The following CLVS1 variants were observed in gnomAD, a reference collection of about 807,000 sequenced individuals.
The protein encoded by CLVS1 is clavesin 1.
Under a neutral mutation model 33.1 loss-of-function variants are expected in CLVS1, and 10 were observed. The ratio of observed to expected loss-of-function variants is 0.30; its 90% CI spans 0.19 to 0.51. The LOEUF is 0.51. CLVS1 is among the 20% of genes least tolerant of loss of function. The pLI is 0.97. For missense variants in CLVS1, 343 were observed against 433.4 expected (o/e 0.79, Z 1.85); for synonymous variants, 163 against 166.1 (o/e 0.98, Z 0.14).
In CLVS1 at chr8:61,410,735, G is replaced by A. The variant is rs1027432308; in HGVS notation, c.630+33956G>A. 5.9e-5 allele frequency among the ~76,000 whole-genome samples: 9 copies of A among 152,130 alleles called. No homozygotes were observed. In the South Asian group the frequency reaches 1.7e-3, roughly 28 times the overall value. ...TGGCTCACTGCAGCCTCCGCCTCCT[G>A]GGTTCAAGCAATTCTCCTGCCTCAG... On this transcript the variant is annotated intron_variant, in intron 3 of 5. Coordinates refer to ENST00000325897, the MANE Select transcript of CLVS1 (RefSeq NM_173519.3).
chr8:61,359,939 T>G (rs1342058739), intron 2 of CLVS1, among the ~76,000 whole-genome samples: 1 of 152,154 alleles, frequency 6.6e-6, no homozygotes, highest in African/African-American at 2.4e-5. Flanking sequence ...ATCCTGTATC[T>G]GGAGCTCTTT....
intron 2 of CLVS1, among the ~76,000 whole-genome samples, chr8:61,275,524 G>A (rs1036041821): frequency 7.9e-5 from 12 of 152,218 alleles, no homozygotes; most frequent in Admixed American, 2.6e-4. Context: ...AATTTAGGTC[G>A]TTAATATAAC....
At chr8:60,993,918 C>T in the CLVS1 span, among the ~76,000 whole-genome samples, 1 of 152,082 alleles carries the variant, frequency 6.6e-6, no homozygotes, top group African/African-American at 2.4e-5. Context: ...TTCTCTGGCC[C>T]CTTGTGATTT....
Position 61,232,022 on chromosome 8 carries a change from G to GTTTTTTTTTTTTTT in CLVS1, c.-151-67655_-151-67654insTTTTTTTTTTTTTT, listed in dbSNP as rs376185436. On this transcript the variant is annotated intron_variant, in intron 2 of 2. Transcript: ENST00000522621. The stretch of plus-strand genomic sequence containing the variant: ...GAGAAGGAGCCCTGAGGAAAGTTGT[G>GTTTTTTTTTTTTTT]GTTTTTTTTTTTTTTTTTTTTTTTT... Among the ~76,000 whole-genome samples the GTTTTTTTTTTTTTT allele has an allele frequency of 1.6e-4, 19 of 117,070 alleles. 2 individuals are homozygous for GTTTTTTTTTTTTTT. Among genetic ancestry groups the GTTTTTTTTTTTTTT allele is most frequent in the African/African-American group, 8.1e-4 (18 of 22,320 alleles). The allele number at this position is 117,070 out of a possible 152,430, so 76.8% of individuals were successfully genotyped here.
chr8:61,500,355 T>C lies in CLVS1; in HGVS notation c.*813T>C, dbSNP rs1804593696. 1 of 152,344 alleles carries C rather than the reference T, an allele frequency of 6.6e-6. No homozygotes were observed. Among genetic ancestry groups the C allele is most frequent in the East Asian group, 1.9e-4 (1 of 5,188 alleles). 9.4% of individuals were successfully genotyped at this position (152,344 alleles called of 1,614,324 possible). On this transcript the variant is annotated 3_prime_UTR_variant, in exon 6 of 6. Coordinates refer to ENST00000325897, the MANE Select transcript of CLVS1 (RefSeq NM_173519.3). ...TCAGTGATTAATGAATCCATTCCAG[T>C]TGCCTCAACTGGGTCACTACAGCAA...
At chr8:61,101,190 A>G (rs1251667145) in intron 1 of CLVS1, among the ~76,000 whole-genome samples, 1 of 152,186 alleles carries the variant, frequency 6.6e-6, no homozygotes, top group African/African-American at 2.4e-5. Context: ...TGACTGCACT[A>G]TTTTATATTC....
intron 2 of CLVS1, among the ~76,000 whole-genome samples, chr8:61,210,861 A>G (rs923209211): frequency 4.6e-5 from 7 of 152,196 alleles, no homozygotes; most frequent in Non-Finnish European, 7.3e-5. Flanking sequence ...GCTATCACCC[A>G]GGGACAGCTT....
At chr8:61,478,788 C>A (rs1177168736) in intron 5 of CLVS1, among the ~76,000 whole-genome samples, 1 of 152,124 alleles carries the variant, frequency 6.6e-6, no homozygotes, top group Non-Finnish European at 1.5e-5. Context: ...CAGTCTGTGT[C>A]TTTTAATTGG....
the CLVS1 span, chr8:60,967,803 C>T: frequency 1.7e-5 from 7 of 402,600 alleles, no homozygotes; most frequent in South Asian, 1.3e-4. Context: ...CTCAGGGCTG[C>T]CTCCTAGCTT....
chr8:61,142,312 G>A (rs114692851), intron 2 of CLVS1, among the ~76,000 whole-genome samples: 2,214 of 152,092 alleles, frequency 0.015, 21 homozygotes, highest in African/African-American at 0.017. Flanking sequence ...CTTCCCCTTC[G>A]CCTTCCACCA....
chr8:61,290,932 G>A (rs752059989), intron 1 of CLVS1, among the ~76,000 whole-genome samples: 3 of 152,192 alleles, frequency 2.0e-5, no homozygotes, highest in Non-Finnish European at 2.9e-5. Flanking sequence ...GGTCCACAGT[G>A]TGAATTTTGA....
the CLVS1 span, among the ~76,000 whole-genome samples, chr8:60,974,073 G>C: frequency 3.5e-4 from 54 of 152,308 alleles, no homozygotes; most frequent in African/African-American, 1.1e-3. Flanking sequence ...CTCCCAAAGG[G>C]GAAATTTTAT....
intron 3 of CLVS1, 67 bp from the exon 4 acceptor site, chr8:61,454,074 G>T: frequency 1.8e-6 from 2 of 1,087,048 alleles, no homozygotes; most frequent in Non-Finnish European, 2.9e-6. Flanking sequence ...TGGGGCATTG[G>T]TCCTGCTGGT....
At chr8:61,205,482 C>T (rs1247734814) in intron 2 of CLVS1, among the ~76,000 whole-genome samples, 1 of 152,142 alleles carries the variant, frequency 6.6e-6, no homozygotes, top group Non-Finnish European at 1.5e-5. Flanking sequence ...ATGTATGCTA[C>T]ATTTTGTTTA....
rs114735204 is a variant in CLVS1, at chr8:61,132,366, C to T, written c.-152+506C>T. 9.4e-3 allele frequency among the ~76,000 whole-genome samples: 1,424 copies of T among 152,206 alleles called. 32 individuals are homozygous for T. Among genetic ancestry groups the T allele is most frequent in the African/African-American group, 0.033 (1,370 of 41,528 alleles). On this transcript the variant is annotated intron_variant, in intron 2 of 2. Coordinates refer to the CLVS1 transcript ENST00000522621. ...CAGGAGCTGTGCATGCCAGGCCTGG[C>T]GGGAAAGGCTTTTCCAGAAAGCACC...
At chr8:60,982,146 C>T in the CLVS1 span, among the ~76,000 whole-genome samples, 3 of 152,188 alleles carry the variant, frequency 2.0e-5, no homozygotes, top group Non-Finnish European at 4.4e-5. Flanking sequence ...CAACAGAATG[C>T]TCAGTCAGTG....
the CLVS1 span, among the ~76,000 whole-genome samples, chr8:61,045,523 A>G: frequency 6.6e-6 from 1 of 152,236 alleles, no homozygotes; most frequent in African/African-American, 2.4e-5. Context: ...AAAGCCTCCT[A>G]AAGAAGCAGT....
intron 3 of CLVS1, among the ~76,000 whole-genome samples, chr8:61,404,024 A>C (rs60272015): frequency 0.013 from 2,030 of 152,312 alleles, 46 homozygotes; most frequent in African/African-American, 0.046. Flanking sequence ...AGACCCATAG[A>C]ATGGGAATAA....
At chr8:61,242,639 A>G (rs1393075741) in intron 2 of CLVS1, among the ~76,000 whole-genome samples, 1 of 152,240 alleles carries the variant, frequency 6.6e-6, no homozygotes, top group Non-Finnish European at 1.5e-5. Context: ...AAAATAAAAA[A>G]TTAACCAGAC....
Sources: allele counts gnomAD v4.1 joint callset (sites outside exome capture counted in the v4.1 genomes callset), GRCh38; gene constraint gnomAD v4.1.1; transcripts MANE v1.5; gene names NCBI Gene and HGNC (gene_info 2026-07-23, HGNC 2026-07-21).